DCLK2: variants seen among roughly 807,000 people sequenced by gnomAD.
DCLK2 encodes doublecortin like kinase 2, also known as serine/threonine-protein kinase DCLK2.
Under a neutral mutation model 78.4 loss-of-function variants are expected in DCLK2, and 31 were observed. The observed-to-expected ratio is 0.40, with a 90% CI of 0.30 to 0.53. DCLK2 has a LOEUF of 0.53. DCLK2 is among the 20% of genes least tolerant of loss of function. The pLI is 0.61. For missense variants in DCLK2, 872 were observed against 973.7 expected, an observed-to-expected ratio of 0.90 and a Z score of 1.39; for synonymous variants, 407 against 374.9, an observed-to-expected ratio of 1.09 and a Z score of -0.99.
chr4:150,181,042 T>C (rs1737472196), intron 2 of DCLK2, among the ~76,000 whole-genome samples: 1 of 152,230 alleles, frequency 6.6e-6, no homozygotes. Context: ...ACTAGCATTA[T>C]GTCACAGTCT....
intron 1 of DCLK2, among the ~76,000 whole-genome samples, chr4:150,081,080 G>T (rs1402882617): frequency 6.6e-6 from 1 of 152,222 alleles, no homozygotes; most frequent in Non-Finnish European, 1.5e-5. Flanking sequence ...CCCAAGATCA[G>T]ATTTGCAGGA....
chr4:150,211,640 C>A (rs540462721), intron 5 of DCLK2, among the ~76,000 whole-genome samples: 1 of 152,310 alleles, frequency 6.6e-6, no homozygotes, highest in Admixed American at 6.5e-5. Flanking sequence ...CAGAGTCTCA[C>A]CCCATCAATT....
rs900928737 is a variant in DCLK2, at chr4:150,239,805, G to A, written c.1630G>A (p.Val544Ile). 1.2e-6 allele frequency: 2 copies of A among 1,614,078 alleles called. No homozygotes were observed. The highest frequency in any genetic ancestry group is 1.7e-5 in the Admixed American group (1 of 60,002). The change falls in exon 11 of 16, where the codon GTA becomes ATA. Residue 544 changes from valine (V) to isoleucine (I), a missense_variant. Physicochemically the swap from Val to Ile is conservative, Grantham distance 29. Around this residue, in one of 3 missense-constraint regions of DCLK2, gnomAD observed 86 missense variants for 150.3 expected, o/e 0.57. Transcript: ENST00000296550. Reference sequence around the variant, plus strand: ...GGGAGACTTTGGGCTTGCGACTGTGGTAGAAGGCCCTTTATACACAGTCTG... The same window carrying A: ...GGGAGACTTTGGGCTTGCGACTGTGATAGAAGGCCCTTTATACACAGTCTG... Reference protein sequence around the residue: ...KLGDFGLATVVEGPLYTVCGT... With the variant: ...KLGDFGLATVIEGPLYTVCGT...
rs1738905193 is a variant in DCLK2 at position 150,195,381 on chromosome 4, A to ATATAATATTATATAT, written c.859+2145_859+2146insATATTATATATTATA. 8.9e-4 allele frequency among the ~76,000 whole-genome samples: 2 copies of ATATAATATTATATAT among 2,256 alleles called. 1 individual carries two copies. Among genetic ancestry groups the ATATAATATTATATAT allele is most frequent in the African/African-American group, 1.9e-3 (2 of 1,050 alleles). 1.5% of individuals were successfully genotyped at this position (2,256 alleles called of 152,430 possible). A position where few individuals can be genotyped will look rare whatever the true frequency, so the allele number is the denominator to read the frequency against. On this transcript the variant is annotated intron_variant, in intron 3 of 15. Coordinates refer to ENST00000296550, the MANE Select transcript of DCLK2 (RefSeq NM_001040260.4). Reference sequence around the variant, plus strand: ...TATATATATTATATAATATTATATAATATATATATTATATAATATTATATA... The same window carrying ATATAATATTATATAT: ...TATATATATTATATAATATTATATAATATAATATTATATATTATATATATTATATAATATTATATA...
chr4:150,078,512 C>T lies in DCLK2; in HGVS notation c.-516C>T. On this transcript the variant is annotated 5_prime_UTR_variant, in exon 1 of 16. Transcript: ENST00000296550. ...GGGCGGGATCCGGGCGCGGCCGAGGCGGCGGCGCTGCACCCCGGGCCTGGG... is the reference window on the plus strand; with the variant it reads ...GGGCGGGATCCGGGCGCGGCCGAGGTGGCGGCGCTGCACCCCGGGCCTGGG... 6.6e-6 allele frequency: 1 copy of T among 151,124 alleles called. No homozygotes were observed. The highest frequency in any genetic ancestry group is 1.5e-5 in the Non-Finnish European group (1 of 67,868). 9.4% of individuals were successfully genotyped at this position (151,124 alleles called of 1,614,324 possible). A position where few individuals can be genotyped will look rare whatever the true frequency, so the allele number is the denominator to read the frequency against.
chr4:150,174,457 G>A (rs1736796029), intron 2 of DCLK2, among the ~76,000 whole-genome samples: 1 of 152,162 alleles, frequency 6.6e-6, no homozygotes, highest in Admixed American at 6.5e-5. Context: ...ATGTTTGTCA[G>A]AAGCGGGGAC....
intron 2 of DCLK2, among the ~76,000 whole-genome samples, chr4:150,117,710 C>T (rs1172069149): frequency 1.3e-5 from 2 of 152,170 alleles, no homozygotes; most frequent in Non-Finnish European, 2.9e-5. Flanking sequence ...CCACTGCTCA[C>T]TAAACCAGCT....
intron 3 of DCLK2, 141 bp downstream of exon 3, chr4:150,193,381 C>A: frequency 8.4e-6 from 4 of 476,428 alleles, no homozygotes; most frequent in Non-Finnish European, 1.5e-5. Context: ...AATTTTTGAA[C>A]CAATGAAAAT....
chr4:150,087,830 A>C (rs1729752008), intron 1 of DCLK2, among the ~76,000 whole-genome samples: 1 of 152,200 alleles, frequency 6.6e-6, no homozygotes. Context: ...CAGTTTTTAC[A>C]TACAAAGTGA....
chr4:150,194,257 G>T (rs1166411699), intron 3 of DCLK2, among the ~76,000 whole-genome samples: 4 of 152,082 alleles, frequency 2.6e-5, no homozygotes, highest in Admixed American at 2.0e-4. Flanking sequence ...TGCTATACAG[G>T]TTTGTAGCCC....
At chr4:150,186,237 T>C (rs905063906) in intron 2 of DCLK2, among the ~76,000 whole-genome samples, 3 of 152,248 alleles carry the variant, frequency 2.0e-5, no homozygotes, top group South Asian at 2.1e-4. Context: ...TTTTTTTTTT[T>C]CCTCAGACGG....
Position 150,095,938 on chromosome 4 carries a change from G to T in DCLK2, c.422-6540G>T, listed in dbSNP as rs112487291. 4.7e-3 allele frequency among the ~76,000 whole-genome samples: 721 copies of T among 152,330 alleles called. 6 individuals carry two copies. Among genetic ancestry groups the T allele is most frequent in the African/African-American group, 0.017 (689 of 41,582 alleles). ...AGCATGCTGATATGACACTAATGTA[G>T]GAACCTGCAGGGAAGTGGTGGGAAA... is the stretch of plus-strand genomic sequence containing the variant. On this transcript the variant is annotated intron_variant, in intron 1 of 15. Transcript: ENST00000296550.
At chr4:150,198,297 T>TG (rs1331089911) in intron 4 of DCLK2, among the ~76,000 whole-genome samples, 194 bp downstream of exon 4, 1 of 152,208 alleles carries the variant, frequency 6.6e-6, no homozygotes, top group Non-Finnish European at 1.5e-5. Flanking sequence ...CTAAGAGACT[T>TG]GTGTGGTTTT....
Position 150,256,344 on chromosome 4 carries a change from ACCGCCTGCG to A in DCLK2, c.*100_*108del, listed in dbSNP as rs1744568656. 6.3e-6 allele frequency: 9 copies of A among 1,421,898 alleles called. No homozygotes were observed. Among genetic ancestry groups the A allele is most frequent in the Non-Finnish European group, 7.4e-6 (8 of 1,087,650 alleles). The allele number at this position is 1,421,898 out of a possible 1,614,324, so 88.1% of individuals were successfully genotyped here. On this transcript the variant is annotated 3_prime_UTR_variant, in exon 16 of 16. Transcript: ENST00000296550. Reference sequence around the variant, plus strand: ...CCCTGCTGCAGGCCTCCCTCTCTTCACCGCCTGCGCCTGAGTTCGCGGGTCCTCCGCAGG... The same window carrying A: ...CCCTGCTGCAGGCCTCCCTCTCTTCACCTGAGTTCGCGGGTCCTCCGCAGG...
At chr4:150,140,174 G>C (rs1037619044) in intron 2 of DCLK2, among the ~76,000 whole-genome samples, 6 of 152,166 alleles carry the variant, frequency 3.9e-5, no homozygotes, top group Non-Finnish European at 5.9e-5. Context: ...GAAACAATCT[G>C]TTAAAGTAAC....
intron 2 of DCLK2, among the ~76,000 whole-genome samples, chr4:150,161,266 A>G (rs1735688733): frequency 6.6e-6 from 1 of 152,220 alleles, no homozygotes; most frequent in African/African-American, 2.4e-5. Flanking sequence ...TAAACCAGTA[A>G]TAAATGTGTT....
At chr4:150,221,818 T>C (rs1252056299) in intron 7 of DCLK2, 33 bp downstream of exon 7, 1 of 1,309,474 alleles carries the variant, frequency 7.6e-7, no homozygotes, top group Non-Finnish European at 1.1e-6. Context: ...TAATGAATAA[T>C]GAAAATGATA....
rs1178977458 is a variant in DCLK2 at position 150,256,637 on chromosome 4, T to A, written c.*390T>A. 1 of 189,386 alleles carries A rather than the reference T, an allele frequency of 5.3e-6. No individual in the cohort carries two copies. Among genetic ancestry groups the A allele is most frequent in the Non-Finnish European group, 1.1e-5 (1 of 93,312 alleles). 11.7% of individuals were successfully genotyped at this position (189,386 alleles called of 1,614,324 possible). ...CTTTGGATGAACCAAGGCCTTTTCC[T>A]TATTTAAGTAGACTCAGAACACTCC... On this transcript the variant is annotated 3_prime_UTR_variant, in exon 16 of 16. Coordinates refer to ENST00000296550, the MANE Select transcript of DCLK2 (RefSeq NM_001040260.4).
At position 150,078,978 on chromosome 4, in the gene DCLK2, C is replaced by T. The variant is rs771114988; in HGVS notation, c.-50C>T. On this transcript the variant is annotated 5_prime_UTR_variant, in exon 1 of 16. Coordinates refer to ENST00000296550, the MANE Select transcript of DCLK2 (RefSeq NM_001040260.4). ...GACGTCCCTGCACCGGCGCTCGCAC[C>T]CTTAGTCGGCCCGGAACGTCTTTTT... is the stretch of plus-strand genomic sequence containing the variant. 9 of 1,493,738 alleles carry T rather than the reference C, an allele frequency of 6.0e-6. No individual in the cohort carries two copies. The highest frequency in any genetic ancestry group is 5.6e-5 in the South Asian group (4 of 71,864). The allele number at this position is 1,493,738 out of a possible 1,614,324, so 92.5% of individuals were successfully genotyped here.
Sources: allele counts gnomAD v4.1 joint callset (sites outside exome capture counted in the v4.1 genomes callset), GRCh38; gene constraint gnomAD v4.1.1; regional missense constraint gnomAD v4.1.1; transcripts MANE v1.5; gene names NCBI Gene and HGNC (gene_info 2026-07-23, HGNC 2026-07-21).